PITPNC1: variants seen among roughly 807,000 people sequenced by gnomAD.
PITPNC1 encodes the protein cytoplasmic phosphatidylinositol transfer protein 1.
PITPNC1 carries 18 observed loss-of-function variants against 44.7 expected under a neutral mutation model. The ratio of observed to expected loss-of-function variants is 0.40; its 90% CI spans 0.28 to 0.60. The LOEUF is 0.60. Ranked by LOEUF, PITPNC1 falls within the 20% of genes least tolerant of loss-of-function variation. The probability of loss-of-function intolerance (pLI) is 0.39; values close to 1 mark genes in which losing one functional copy is unlikely to be tolerated. For synonymous variants in PITPNC1, 141 were observed against 149.6 expected (o/e 0.94, Z 0.42); for missense variants, 290 against 418.4 (o/e 0.69, Z 2.68).
intron 1 of PITPNC1, among the ~76,000 whole-genome samples, chr17:67,450,257 A>G (rs574292685): frequency 5.9e-5 from 9 of 152,260 alleles, no homozygotes; most frequent in African/African-American, 2.2e-4. Context: ...GTTTTCTTCA[A>G]TTGCTATCAA....
At chr17:67,664,904 CAA>C (rs541838718) in intron 6 of PITPNC1, among the ~76,000 whole-genome samples, 31 of 91,508 alleles carry the variant, frequency 3.4e-4, no homozygotes, top group Non-Finnish European at 3.3e-4. Flanking sequence ...GACTCCATCT[CAA>C]AAAAAAAAAA....
chr17:67,412,333 A>T (rs1021767474), intron 1 of PITPNC1, among the ~76,000 whole-genome samples: 1 of 152,134 alleles, frequency 6.6e-6, no homozygotes, highest in Non-Finnish European at 1.5e-5. Context: ...TTCCAAGTAG[A>T]TACTGACAAA....
rs1461656972 is a variant in PITPNC1 at position 67,637,496 on chromosome 17, G to GCA, written c.462+5268_462+5269dup. ...TGCTCCTCTCCACTCAGCTACTGTT[G>GCA]CACACACACACGGCCATCCAGGCCA... On this transcript the variant is annotated intron_variant, in intron 6 of 8. Transcript: ENST00000581322. Among the ~76,000 whole-genome samples, 5 of 152,150 alleles carry GCA rather than the reference G, an allele frequency of 3.3e-5. No individual in the cohort carries two copies. In the East Asian group the frequency reaches 5.8e-4, roughly 18 times the overall value.
At chr17:67,523,444 G>A (rs998809023) in intron 1 of PITPNC1, among the ~76,000 whole-genome samples, 2 of 152,054 alleles carry the variant, frequency 1.3e-5, no homozygotes, top group Non-Finnish European at 2.9e-5. Context: ...GGTGAGGGCA[G>A]TTGGTGTACA....
At position 67,450,134 on chromosome 17, in the gene PITPNC1, G is replaced by T. The variant is rs1018980784; in HGVS notation, c.48+71932G>T. Among the ~76,000 whole-genome samples the T allele has an allele frequency of 1.4e-4, 22 of 152,194 alleles. 1 individual carries two copies. Among genetic ancestry groups the T allele is most frequent in the Admixed American group, 1.0e-3 (16 of 15,286 alleles). ...AAACCCAATTAAAACCACATTTCAG[G>T]TTTGCTCTTATGATTTAGAAGTAAA... On this transcript the variant is annotated intron_variant, in intron 1 of 8. Transcript: ENST00000581322.
At position 67,695,712 on chromosome 17, in the gene PITPNC1, A is replaced by C. The variant is rs2043000185; in HGVS notation, c.*2824A>C. 1.3e-5 allele frequency: 2 copies of C among 151,882 alleles called. No individual in the cohort carries two copies. Among genetic ancestry groups the C allele is most frequent in the African/African-American group, 2.4e-5 (1 of 41,368 alleles). 9.4% of individuals were successfully genotyped at this position (151,882 alleles called of 1,614,324 possible). On this transcript the variant is annotated 3_prime_UTR_variant, in exon 9 of 9. Coordinates refer to ENST00000581322, the MANE Select transcript of PITPNC1 (RefSeq NM_012417.4). ...CAAACTTAAATAAATAATCCATAGA[A>C]TATCACATACGTTCACTCCATCTTC...
chr17:67,618,855 C>G (rs959267871), intron 5 of PITPNC1, among the ~76,000 whole-genome samples: 1 of 151,978 alleles, frequency 6.6e-6, no homozygotes, highest in African/African-American at 2.4e-5. Flanking sequence ...GTTAGGAGAT[C>G]GAGACCATCC....
intron 1 of PITPNC1, among the ~76,000 whole-genome samples, chr17:67,476,941 C>T (rs528007920): frequency 6.6e-6 from 1 of 152,290 alleles, no homozygotes; most frequent in African/African-American, 2.4e-5. Flanking sequence ...GTCTCAGGCC[C>T]CACCCCAGAC....
intron 6 of PITPNC1, among the ~76,000 whole-genome samples, chr17:67,637,587 A>G (rs545921561): frequency 1.3e-5 from 2 of 152,188 alleles, no homozygotes; most frequent in South Asian, 4.1e-4. Flanking sequence ...GAGCCACACA[A>G]TCAAGACTGC....
In PITPNC1 at chr17:67,508,844, T is replaced by C. The variant is rs186518996; in HGVS notation, c.49-23958T>C. On this transcript the variant is annotated intron_variant, in intron 1 of 8. Coordinates refer to ENST00000581322, the MANE Select transcript of PITPNC1 (RefSeq NM_012417.4). This position sits in a 1 kb window ranked among gnomAD's most constrained non-coding sequence, Gnocchi z 4.2. ...GGTGACGGAACGTTCTAGTGATGGC[T>C]GCACAACATTGTGGTTGTACTTAAT... is the stretch of plus-strand genomic sequence containing the variant. Among the ~76,000 whole-genome samples, 4 of 152,308 alleles carry C rather than the reference T, an allele frequency of 2.6e-5. No individual in the cohort carries two copies.
intron 1 of PITPNC1, among the ~76,000 whole-genome samples, chr17:67,456,281 GTT>G (rs1323156325): frequency 6.6e-6 from 1 of 152,156 alleles, no homozygotes; most frequent in East Asian, 1.9e-4. Flanking sequence ...CTACTTTTAA[GTT>G]TTGTATGTTG....
intron 8 of PITPNC1, among the ~76,000 whole-genome samples, chr17:67,683,031 G>A (rs992262315): frequency 6.6e-6 from 1 of 151,804 alleles, no homozygotes; most frequent in Non-Finnish European, 1.5e-5. Flanking sequence ...GTGGTGGCGG[G>A]TGCCTGTAAT....
intron 5 of PITPNC1, among the ~76,000 whole-genome samples, chr17:67,617,960 G>A (rs1055360107): frequency 2.0e-5 from 3 of 151,960 alleles, no homozygotes; most frequent in Admixed American, 2.0e-4. Context: ...AGATTCGGGG[G>A]GACACTCTTC....
At chr17:67,554,760 T>G (rs2040813384) in intron 4 of PITPNC1, among the ~76,000 whole-genome samples, 1 of 152,198 alleles carries the variant, frequency 6.6e-6, no homozygotes. Flanking sequence ...GATAGATAAA[T>G]GGTCCCAGCA....
intron 8 of PITPNC1, among the ~76,000 whole-genome samples, 175 bp downstream of exon 8, chr17:67,675,717 G>A (rs1220003670): frequency 6.6e-6 from 1 of 152,110 alleles, no homozygotes; most frequent in East Asian, 1.9e-4. Context: ...ATAGAAGCTT[G>A]GTCTAAAATA....
intron 1 of PITPNC1, among the ~76,000 whole-genome samples, chr17:67,443,451 A>C: frequency 6.6e-6 from 1 of 151,266 alleles, no homozygotes; most frequent in Non-Finnish European, 1.5e-5. Flanking sequence ...TTCGACTGTG[A>C]TTTATCTGTT....
At chr17:67,548,629 G>C (rs1317064545) in intron 2 of PITPNC1, among the ~76,000 whole-genome samples, 1 of 152,084 alleles carries the variant, frequency 6.6e-6, no homozygotes, top group Non-Finnish European at 1.5e-5. Context: ...CAAAGCTTTT[G>C]AAAAGTCTGT....
chr17:67,583,111 A>G (rs2041257426), intron 5 of PITPNC1, among the ~76,000 whole-genome samples: 1 of 152,200 alleles, frequency 6.6e-6, no homozygotes, highest in African/African-American at 2.4e-5. Flanking sequence ...GGTCTAAACC[A>G]GCCAATAAGC....
chr17:67,566,265 G>A (rs868775361), intron 4 of PITPNC1, among the ~76,000 whole-genome samples: 2 of 152,074 alleles, frequency 1.3e-5, no homozygotes, highest in East Asian at 1.9e-4. Context: ...GTGCAGTGGC[G>A]CGATCTTGGC....
Sources: allele counts gnomAD v4.1 joint callset (sites outside exome capture counted in the v4.1 genomes callset), GRCh38; gene constraint gnomAD v4.1.1; non-coding constraint Gnocchi (gnomAD v3.1); transcripts MANE v1.5; gene names NCBI Gene and HGNC (gene_info 2026-07-23, HGNC 2026-07-21).